The following CSMD2 variants were observed in gnomAD, a reference collection of about 807,000 sequenced individuals.
CSMD2 encodes the protein CUB and sushi domain-containing protein 2.
Under a neutral mutation model 398.5 loss-of-function variants are expected in CSMD2, and 130 were observed. The ratio of observed to expected loss-of-function variants is 0.33; its 90% CI spans 0.28 to 0.38. The LOEUF is 0.38. Among genes scored for constraint, CSMD2 ranks in the 10% least tolerant of loss-of-function variants. The probability of loss-of-function intolerance (pLI) is 1.00; values close to 1 mark genes in which losing one functional copy is unlikely to be tolerated. For missense variants in CSMD2, 3,829 were observed against 4,764.9 expected (o/e 0.80, Z 5.78); for synonymous variants, 1,828 against 1,908.5 (o/e 0.96, Z 1.10).
chr1:34,080,713 A>G (rs754813314), intron 2 of CSMD2, among the ~76,000 whole-genome samples: 2 of 152,144 alleles, frequency 1.3e-5, no homozygotes, highest in Non-Finnish European at 2.9e-5. Context: ...TAATGTTTTT[A>G]TTATCAAACA....
At chr1:33,997,950 C>T in intron 3 of CSMD2, among the ~76,000 whole-genome samples, 1 of 152,154 alleles carries the variant, frequency 6.6e-6, no homozygotes, top group East Asian at 1.9e-4. Context: ...ATCTCCTCTG[C>T]CCCTGAGGTG....
At chr1:34,012,521 G>A (rs771229326) in intron 3 of CSMD2, among the ~76,000 whole-genome samples, 43 of 151,244 alleles carry the variant, frequency 2.8e-4, no homozygotes, top group Non-Finnish European at 5.2e-4. Context: ...GGCTCGCTGC[G>A]ACCTCTGCCT....
At chr1:33,532,944 C>G (rs553649805) in intron 64 of CSMD2, 106 bp downstream of exon 64, 2 of 1,075,494 alleles carry the variant, frequency 1.9e-6, no homozygotes, top group East Asian at 2.5e-5. Flanking sequence ...GGATCCAGCT[C>G]CTTGAAACGC....
At chr1:33,919,301 T>C (rs1643869347) in intron 4 of CSMD2, among the ~76,000 whole-genome samples, 1 of 152,192 alleles carries the variant, frequency 6.6e-6, no homozygotes, top group African/African-American at 2.4e-5. Flanking sequence ...CTCCTTGTGG[T>C]ATGGAAGGCA....
At chr1:33,961,679 T>C (rs1007796982) in intron 3 of CSMD2, among the ~76,000 whole-genome samples, 1 of 152,152 alleles carries the variant, frequency 6.6e-6, no homozygotes, top group South Asian at 2.1e-4. Flanking sequence ...CTGGCAGTAA[T>C]GAGTGAGTTC....
intron 3 of CSMD2, among the ~76,000 whole-genome samples, chr1:33,992,431 C>T (rs1233633390): frequency 6.6e-6 from 1 of 151,928 alleles, no homozygotes; most frequent in Non-Finnish European, 1.5e-5. Flanking sequence ...TGTTCTTGAA[C>T]TCCTGGGCTC....
intron 46 of CSMD2, 76 bp from the exon 47 acceptor site, chr1:33,583,906 A>T (rs941810206): frequency 1.6e-6 from 2 of 1,273,520 alleles, no homozygotes; most frequent in Non-Finnish European, 2.2e-6. Context: ...GCTTTTCCCA[A>T]TACTAAAGAC....
rs773148639 is a variant in CSMD2, at chr1:33,519,829, G to A, written c.10719C>T (p.Leu3573=). 1.2e-6 allele frequency: 2 copies of A among 1,613,906 alleles called. No individual in the cohort carries two copies. Among genetic ancestry groups the A allele is most frequent in the Admixed American group, 1.7e-5 (1 of 60,020 alleles). Residue 3573 remains leucine, a synonymous_variant, in exon 69 of 71, where the codon CTC becomes CTT. Coordinates refer to ENST00000373381, the MANE Select transcript of CSMD2 (RefSeq NM_001281956.2). This position sits in a 1 kb window ranked among gnomAD's most constrained non-coding sequence, Gnocchi z 5.6. Reference sequence around the variant, plus strand: ...CACGGTACCTGTGCTTGTAGAGATAGAGCACGAAGCCCGCAATAATGAGGG... The same window carrying A: ...CACGGTACCTGTGCTTGTAGAGATAAAGCACGAAGCCCGCAATAATGAGGG... The part of the protein sequence containing the change: ...FIALIIAGFV[L]YLYKHRRRPK...
intron 1 of CSMD2, among the ~76,000 whole-genome samples, chr1:34,112,331 C>G (rs1661177170): frequency 2.0e-5 from 3 of 152,168 alleles, no homozygotes; most frequent in Non-Finnish European, 4.4e-5. Context: ...CCCTTAATGG[C>G]CTTTGCTCAC....
intron 25 of CSMD2, among the ~76,000 whole-genome samples, chr1:33,689,132 G>C (rs1192448333): frequency 1.3e-5 from 2 of 149,372 alleles, no homozygotes; most frequent in South Asian, 4.4e-4. Flanking sequence ...GGGAAGGGGA[G>C]AGAAAGGGGG....
chr1:33,592,668 G>A (rs536028271), intron 44 of CSMD2, among the ~76,000 whole-genome samples: 3 of 152,082 alleles, frequency 2.0e-5, no homozygotes, highest in Non-Finnish European at 2.9e-5. Flanking sequence ...TTATCATGAC[G>A]GCCGGGCGCG....
At position 33,557,800 on chromosome 1, in the gene CSMD2, G is replaced by A. The variant is rs1419556827; in HGVS notation, c.8677C>T (p.Leu2893=). The part of the protein sequence containing the change: ...SYRCNHGFYL[L]GTPVLSCQGD... The stretch of plus-strand genomic sequence containing the variant: ...TGGCAGCTGAGCACTGGGGTGCCCA[G>A]GAGGTAGAAGCCGTGGTTGCACCGG... Residue 2893 remains leucine (L), a synonymous_variant, in exon 55 of 71, where the codon CTG becomes TTG. Coordinates refer to ENST00000373381, the MANE Select transcript of CSMD2 (RefSeq NM_001281956.2). 4 of 1,536,128 alleles carry A rather than the reference G, an allele frequency of 2.6e-6. No individual in the cohort carries two copies. The South Asian group carries it at 4.8e-5, about 18-fold the overall frequency.
intron 2 of CSMD2, among the ~76,000 whole-genome samples, chr1:34,064,350 G>C (rs1308447738): frequency 6.6e-6 from 1 of 152,094 alleles, no homozygotes; most frequent in African/African-American, 2.4e-5. Flanking sequence ...CAGCACTCAA[G>C]TCACCTCTTG....
In CSMD2 at chr1:33,919,525, A is replaced by G. The variant is rs551967054; in HGVS notation, c.713-1224T>C. Among the ~76,000 whole-genome samples, 241 of 152,356 alleles carry G rather than the reference A, an allele frequency of 1.6e-3. 1 individual carries two copies. The highest frequency in any genetic ancestry group is 5.5e-3 in the African/African-American group (227 of 41,590). On this transcript the variant is annotated intron_variant, in intron 4 of 70. Coordinates refer to ENST00000373381, the MANE Select transcript of CSMD2 (RefSeq NM_001281956.2). ...TCTCAATGCTAACTTCTAAGTTTCTATGAGTGCAGAAATGTAAGATATACA... is the reference window on the plus strand; with the variant it reads ...TCTCAATGCTAACTTCTAAGTTTCTGTGAGTGCAGAAATGTAAGATATACA...
intron 42 of CSMD2, among the ~76,000 whole-genome samples, chr1:33,604,401 GT>G (rs1640443260): frequency 6.6e-6 from 1 of 152,212 alleles, no homozygotes; most frequent in African/African-American, 2.4e-5. Flanking sequence ...TCCATCGAGA[GT>G]TAAACTGAGA....
chr1:33,662,823 GC>G (rs1157447320), intron 26 of CSMD2, 66 bp downstream of exon 26: 1 of 1,383,552 alleles, frequency 7.2e-7, no homozygotes, highest in African/African-American at 1.4e-5. Flanking sequence ...GAAAGTGAGG[GC>G]CAGAGGAAGG....
chr1:33,521,359 G>C, intron 68 of CSMD2, 104 bp downstream of exon 68: 1 of 789,832 alleles, frequency 1.3e-6, no homozygotes, highest in Non-Finnish European at 2.2e-6. Flanking sequence ...AAGCACCCCC[G>C]CCTCAGACTG....
chr1:33,586,808 G>A (rs1430156793), intron 45 of CSMD2, among the ~76,000 whole-genome samples, 191 bp from the exon 46 acceptor site: 1 of 152,148 alleles, frequency 6.6e-6, no homozygotes, highest in African/African-American at 2.4e-5. Flanking sequence ...GCCTCAGAAT[G>A]TTTCATATTC....
chr1:33,668,393 A>T (rs146379313), intron 25 of CSMD2, among the ~76,000 whole-genome samples: 1 of 152,326 alleles, frequency 6.6e-6, no homozygotes, highest in Non-Finnish European at 1.5e-5. Context: ...GAAATTAGCT[A>T]GGGGCTGCCA....
Sources: allele counts gnomAD v4.1 joint callset (sites outside exome capture counted in the v4.1 genomes callset), GRCh38; gene constraint gnomAD v4.1.1; non-coding constraint Gnocchi (gnomAD v3.1); transcripts MANE v1.5; gene names NCBI Gene and HGNC (gene_info 2026-07-23, HGNC 2026-07-21).